The following NRXN3 variants were observed in gnomAD, a reference collection of about 807,000 sequenced individuals.
The protein encoded by NRXN3 is neurexin 3.
Under a neutral mutation model 137.6 loss-of-function variants are expected in NRXN3, and 32 were observed. The ratio of observed to expected loss-of-function variants is 0.23; its 90% CI spans 0.18 to 0.31. The LOEUF (loss-of-function observed/expected upper bound fraction) is 0.31. Ranked by LOEUF, NRXN3 falls within the 10% of genes least tolerant of loss-of-function variation. NRXN3 has a pLI of 1.00. For synonymous variants in NRXN3, 798 were observed against 784.5 expected (o/e 1.02, Z -0.29); for missense variants, 1,574 against 2,062.5 (o/e 0.76, Z 4.59).
rs114974744 is a variant in NRXN3 at position 79,679,826 on chromosome 14, A to C, written c.3617-12347A>C. Among the ~76,000 whole-genome samples the C allele has an allele frequency of 7.1e-3, 1,089 of 152,318 alleles. 15 individuals carry two copies. Among genetic ancestry groups the C allele is most frequent in the African/African-American group, 0.024 (1,014 of 41,578 alleles). On this transcript the variant is annotated intron_variant, in intron 17 of 20. Coordinates refer to ENST00000335750, the MANE Select transcript of NRXN3 (RefSeq NM_001330195.2). ...TCTTAAAAGTGTTTTTTAAAGCCCTAATTTTAAAAAATGCTATTCTGGCCA... is the reference window on the plus strand; with the variant it reads ...TCTTAAAAGTGTTTTTTAAAGCCCTCATTTTAAAAAATGCTATTCTGGCCA...
At chr14:79,798,087 A>T (rs1415630368) in intron 19 of NRXN3, among the ~76,000 whole-genome samples, 1 of 151,596 alleles carries the variant, frequency 6.6e-6, no homozygotes, top group South Asian at 2.1e-4. Flanking sequence ...GGTGACTGAG[A>T]GAGACCCTGT....
chr14:78,761,399 G>A (rs1462742711), intron 8 of NRXN3, among the ~76,000 whole-genome samples: 1 of 152,194 alleles, frequency 6.6e-6, no homozygotes, highest in Non-Finnish European at 1.5e-5. Flanking sequence ...CAGGGGAATT[G>A]CCCATGAAAT....
intron 4 of NRXN3, among the ~76,000 whole-genome samples, chr14:78,550,290 A>T (rs938509908): frequency 6.6e-6 from 1 of 152,018 alleles, no homozygotes; most frequent in Non-Finnish European, 1.5e-5. Context: ...TCTGCCTCCC[A>T]CAGTGCTGGG....
chr14:78,782,956 C>T (rs767554293), intron 8 of NRXN3, among the ~76,000 whole-genome samples: 4 of 152,120 alleles, frequency 2.6e-5, no homozygotes, highest in Non-Finnish European at 5.9e-5. Flanking sequence ...TAGGAGGAAA[C>T]AGGAAAAGAG....
At chr14:78,254,758 G>A (rs1286208375) in intron 2 of NRXN3, among the ~76,000 whole-genome samples, 4 of 151,780 alleles carry the variant, frequency 2.6e-5, no homozygotes, top group Non-Finnish European at 4.4e-5. Flanking sequence ...TGCCTAACAA[G>A]CCCATCATGG....
intron 15 of NRXN3, among the ~76,000 whole-genome samples, chr14:79,193,846 T>G (rs1308129030): frequency 6.6e-6 from 1 of 152,200 alleles, no homozygotes; most frequent in Non-Finnish European, 1.5e-5. Flanking sequence ...TCCTACAAAG[T>G]ATGGAATAGT....
At chr14:79,004,523 T>C (rs2099548354) in intron 15 of NRXN3, among the ~76,000 whole-genome samples, 1 of 152,204 alleles carries the variant, frequency 6.6e-6, no homozygotes, top group Non-Finnish European at 1.5e-5. Context: ...GGATTACAGG[T>C]GTGAGCTACT....
intron 15 of NRXN3, among the ~76,000 whole-genome samples, chr14:79,188,068 C>G (rs1280758131): frequency 6.6e-6 from 1 of 152,202 alleles, no homozygotes; most frequent in Non-Finnish European, 1.5e-5. Context: ...AAGTTCATTA[C>G]ACAGGTATCC....
chr14:79,803,409 A>G (rs1352445927), intron 19 of NRXN3, among the ~76,000 whole-genome samples: 1 of 152,128 alleles, frequency 6.6e-6, no homozygotes, highest in African/African-American at 2.4e-5. Context: ...GTGTCAGCAG[A>G]ATTAGTGTCT....
At chr14:78,532,601 A>G (rs1475259756) in intron 4 of NRXN3, among the ~76,000 whole-genome samples, 3 of 148,750 alleles carry the variant, frequency 2.0e-5, no homozygotes, top group African/African-American at 5.0e-5. Context: ...ATGATCTTCA[A>G]CCTCTCCCTC....
intron 15 of NRXN3, among the ~76,000 whole-genome samples, chr14:79,303,777 G>A (rs2085543330): frequency 6.6e-6 from 1 of 152,010 alleles, no homozygotes; most frequent in Non-Finnish European, 1.5e-5. Flanking sequence ...ACTGTATCCA[G>A]TATAATATTA....
intron 4 of NRXN3, among the ~76,000 whole-genome samples, chr14:78,640,276 C>T (rs1270777537): frequency 6.6e-6 from 1 of 152,144 alleles, no homozygotes; most frequent in African/African-American, 2.4e-5. Context: ...AAAAGTAGTT[C>T]AAATGTATTT....
chr14:79,427,685 G>C (rs555625479), intron 15 of NRXN3, among the ~76,000 whole-genome samples: 8 of 151,816 alleles, frequency 5.3e-5, no homozygotes, highest in Non-Finnish European at 1.0e-4. Flanking sequence ...TACAAAAATT[G>C]GTCGGGAGTG....
At chr14:78,657,274 C>A (rs762745027) in intron 6 of NRXN3, among the ~76,000 whole-genome samples, 1 of 152,082 alleles carries the variant, frequency 6.6e-6, no homozygotes, top group Non-Finnish European at 1.5e-5. Flanking sequence ...GAAGGCCAAG[C>A]CAAGACTGAG....
At chr14:79,358,651 AAGAAAGAAAGAAAG>A in intron 15 of NRXN3, among the ~76,000 whole-genome samples, 1 of 150,566 alleles carries the variant, frequency 6.6e-6, no homozygotes. Flanking sequence ...GAAAGAAAGA[AAGAAAGAAAGAAAG>A]AAAGTGTCCT....
At chr14:78,994,825 G>A (rs1276934482) in intron 15 of NRXN3, among the ~76,000 whole-genome samples, 1 of 152,142 alleles carries the variant, frequency 6.6e-6, no homozygotes. Context: ...TATAATATTT[G>A]ACAACTGTTA....
At chr14:78,674,186 G>T (rs901102877) in intron 6 of NRXN3, among the ~76,000 whole-genome samples, 9 of 152,272 alleles carry the variant, frequency 5.9e-5, no homozygotes, top group Middle Eastern at 6.8e-3. Context: ...GTGTCTCTCA[G>T]ATTAAACTCT....
chr14:78,735,384 C>G (rs1268077264), intron 8 of NRXN3, among the ~76,000 whole-genome samples: 5 of 152,070 alleles, frequency 3.3e-5, no homozygotes, highest in Admixed American at 2.0e-4. Flanking sequence ...TGGGAGGAAG[C>G]TGGACAAACA....
intron 15 of NRXN3, among the ~76,000 whole-genome samples, chr14:79,197,164 G>A (rs1482054044): frequency 6.6e-6 from 1 of 152,066 alleles, no homozygotes; most frequent in Non-Finnish European, 1.5e-5. Flanking sequence ...TCCTTCTCAG[G>A]TTTGCCTTAT....
Sources: gnomAD v4.1 joint callset for allele counts (sites outside exome capture counted in the v4.1 genomes callset) on GRCh38, gnomAD v4.1.1 for gene constraint, MANE v1.5 for transcripts, NCBI Gene and HGNC (gene_info 2026-07-23, HGNC 2026-07-21) for gene names.